NRAS: variants seen among roughly 807,000 people sequenced by gnomAD.
The protein encoded by NRAS is NRAS proto-oncogene, GTPase.
Under a neutral mutation model 21.3 loss-of-function variants are expected in NRAS, and 6 were observed. The observed-to-expected ratio is 0.28, with a 90% CI of 0.15 to 0.56. The LOEUF is 0.56. NRAS is among the 20% of genes least tolerant of loss of function. NRAS has a pLI of 0.93. For synonymous variants in NRAS, 84 were observed against 82.0 expected (o/e 1.02, Z -0.13); for missense variants, 143 against 231.3 (o/e 0.62, Z 2.48).
chr1:114,711,212 G>C (rs1276649702), intron 3 of NRAS, among the ~76,000 whole-genome samples: 1 of 152,056 alleles, frequency 6.6e-6, no homozygotes, highest in Non-Finnish European at 1.5e-5. Flanking sequence ...AAGCTGAGGT[G>C]GGAGGATCCC....
In NRAS at chr1:114,704,943, T is replaced by G. The variant is rs1415057487; in HGVS notation, c.*3151A>C. 6.6e-6 allele frequency: 1 copy of G among 152,194 alleles called. No individual in the cohort carries two copies. The highest frequency in any genetic ancestry group is 1.5e-5 in the Non-Finnish European group (1 of 68,034). 9.4% of individuals were successfully genotyped at this position (152,194 alleles called of 1,614,324 possible). A position where few individuals can be genotyped will look rare whatever the true frequency, so the allele number is the denominator to read the frequency against. ...AATGTACAAGAATTATAGTCCCTTG[T>G]TTATAGAAACCATCCAAATAAAATA... On this transcript the variant is annotated 3_prime_UTR_variant, in exon 7 of 7. Coordinates refer to ENST00000369535, the MANE Select transcript of NRAS (RefSeq NM_002524.5).
chr1:114,714,679 T>G (rs1659116196), intron 2 of NRAS, among the ~76,000 whole-genome samples: 1 of 152,218 alleles, frequency 6.6e-6, no homozygotes, highest in African/African-American at 2.4e-5. Context: ...AAGTGCTCTA[T>G]ACTGTTATCT....
Position 114,708,524 on chromosome 1 carries a change from T to C in NRAS, c.*4+7A>G, listed in dbSNP as rs775149123. On this transcript the variant is annotated splice_region_variant and intron_variant, in intron 5 of 6. Coordinates refer to ENST00000369535, the MANE Select transcript of NRAS (RefSeq NM_002524.5). The stretch of plus-strand genomic sequence containing the variant: ...TTTGTAATTATGCCAAGAAACCATA[T>C]GCTCACCTTGTTACATCACCACACA... The C allele has an allele frequency of 1.9e-6, 3 of 1,613,492 alleles. No homozygotes were observed. Among genetic ancestry groups the C allele is most frequent in the Admixed American group, 3.3e-5 (2 of 60,024 alleles).
At chr1:114,710,352 T>C (rs1659019778) in intron 3 of NRAS, among the ~76,000 whole-genome samples, 1 of 144,516 alleles carries the variant, frequency 6.9e-6, no homozygotes, top group South Asian at 2.1e-4. Context: ...AAAAAATATA[T>C]ATACAATATA....
chr1:114,713,412 C>A lies in NRAS; in HGVS notation c.290+388G>T, dbSNP rs9724627. Among the ~76,000 whole-genome samples the A allele has an allele frequency of 5.9e-3, 891 of 152,246 alleles. 17 individuals carry two copies. The highest frequency in any genetic ancestry group is 0.021 in the African/African-American group (852 of 41,542). The stretch of plus-strand genomic sequence containing the variant: ...TCCTGGGCTGAAAGTGATCCTCCCG[C>A]CTTGGCCTCCCAAAGCACTGACATT... On this transcript the variant is annotated intron_variant, in intron 3 of 6. Transcript: ENST00000369535.
intron 3 of NRAS, 43 bp from the exon 4 acceptor site, chr1:114,709,771 T>C: frequency 6.5e-7 from 1 of 1,542,732 alleles, no homozygotes; most frequent in Admixed American, 1.7e-5. Flanking sequence ...AAAAACAAGA[T>C]TAGGCTGGGT....
intron 3 of NRAS, among the ~76,000 whole-genome samples, chr1:114,710,433 C>T (rs1433774415): frequency 6.7e-6 from 1 of 148,438 alleles, no homozygotes; most frequent in Non-Finnish European, 1.5e-5. Context: ...GGAGGATCAC[C>T]TGGGTCCAGA....
chr1:114,708,288 C>T (rs1056895470), intron 5 of NRAS, 96 bp from the exon 6 acceptor site: 2 of 535,542 alleles, frequency 3.7e-6, no homozygotes, highest in Non-Finnish European at 6.7e-6. Flanking sequence ...GGTATGCCTA[C>T]ATTTCATAAA....
intron 3 of NRAS, among the ~76,000 whole-genome samples, chr1:114,710,478 C>A (rs2101739821): frequency 6.7e-6 from 1 of 149,370 alleles, no homozygotes; most frequent in South Asian, 2.1e-4. Flanking sequence ...AATTGTTCCA[C>A]TGCACTCCAG....
In NRAS at chr1:114,713,818, G is replaced by T. The variant is rs774832953; in HGVS notation, c.272C>A (p.Ala91Glu). ...VFAINNSKSF[A>E]DINLYREQIK... ...CTAGTACCTGTAGAGGTTAATATCCGCAAATGACTTGCTATTATTGATGGC... is the reference window on the plus strand; with the variant it reads ...CTAGTACCTGTAGAGGTTAATATCCTCAAATGACTTGCTATTATTGATGGC... The change falls in exon 3 of 7, where the codon GCG becomes GAG. Residue 91 changes from alanine to glutamate, a missense_variant. Coordinates refer to ENST00000369535, the MANE Select transcript of NRAS (RefSeq NM_002524.5). 6.2e-7 allele frequency: 1 copy of T among 1,613,758 alleles called. No individual in the cohort carries two copies. Among genetic ancestry groups the T allele is most frequent in the Non-Finnish European group, 8.5e-7 (1 of 1,179,692 alleles).
Position 114,713,988 on chromosome 1 carries a change from TGGAGGGTAAGGGGGCAG to T in NRAS, c.112-27_112-11del. 8.4e-7 allele frequency: 1 copy of T among 1,184,804 alleles called. No individual in the cohort carries two copies. Among genetic ancestry groups the T allele is most frequent in the Non-Finnish European group, 1.2e-6 (1 of 847,962 alleles). 73.4% of individuals were successfully genotyped at this position (1,184,804 alleles called of 1,614,324 possible). A position where few individuals can be genotyped will look rare whatever the true frequency, so the allele number is the denominator to read the frequency against. On this transcript the variant is annotated splice_polypyrimidine_tract_variant and intron_variant, in intron 2 of 6. Transcript: ENST00000369535. ...GTTTTCTGTAAGAATCCTGGGGGTG[TGGAGGGTAAGGGGGCAG>T]GGAGGGAGGGAAGTTCAATTTTTAT...
At chr1:114,714,011 G>A (rs1266880847) in intron 2 of NRAS, 33 bp from the exon 3 acceptor site, 16 of 727,012 alleles carry the variant, frequency 2.2e-5, no homozygotes, top group South Asian at 8.9e-5. Flanking sequence ...GGCAGGGAGG[G>A]AGGGAAGTTC....
intron 4 of NRAS, 111 bp downstream of exon 4, chr1:114,709,456 AAT>A (rs1658991721): frequency 7.5e-6 from 7 of 932,554 alleles, no homozygotes; most frequent in Non-Finnish European, 1.2e-5. Flanking sequence ...AAAATAAAAA[AAT>A]AAAAATGAAA....
chr1:114,709,598 A>G lies in NRAS; in HGVS notation c.421T>C (p.Phe141Leu). 6.2e-7 allele frequency: 1 copy of G among 1,614,132 alleles called. No homozygotes were observed. Among genetic ancestry groups the G allele is most frequent in the Non-Finnish European group, 8.5e-7 (1 of 1,179,970 alleles). Residue 141 changes from phenylalanine to leucine, a missense_variant, in exon 4 of 7, where the codon TTC becomes CTC. Phe to Leu is a conservative substitution (Grantham distance 22). Coordinates refer to ENST00000369535, the MANE Select transcript of NRAS (RefSeq NM_002524.5). ...CTGGTCTTGGCTGAGGTTTCAATGAATGGAATCCCGTAACTCTTGGCCAGT... is the reference window on the plus strand; with the variant it reads ...CTGGTCTTGGCTGAGGTTTCAATGAGTGGAATCCCGTAACTCTTGGCCAGT... ...HELAKSYGIPFIETSAKTRQG... is the reference protein window; with the variant it reads ...HELAKSYGIPLIETSAKTRQG...
chr1:114,711,314 C>G (rs1046800905), intron 3 of NRAS, among the ~76,000 whole-genome samples: 2 of 151,850 alleles, frequency 1.3e-5, no homozygotes, highest in African/African-American at 4.8e-5. Flanking sequence ...AAAACTAAAA[C>G]AGGCCGGGCA....
chr1:114,705,181 T>C lies in NRAS; in HGVS notation c.*2913A>G, dbSNP rs562519622. ...TTTCTCTATCCTTGCTTTCAAGTCA[T>C]GACAAAAAAATTCACAGCAGTTTAA... On this transcript the variant is annotated 3_prime_UTR_variant, in exon 7 of 7. Coordinates refer to ENST00000369535, the MANE Select transcript of NRAS (RefSeq NM_002524.5). The C allele has an allele frequency of 2.0e-5, 3 of 152,260 alleles. No individual in the cohort carries two copies. The highest frequency in any genetic ancestry group is 3.9e-4 in the East Asian group (2 of 5,180). 9.4% of individuals were successfully genotyped at this position (152,260 alleles called of 1,614,324 possible). A position where few individuals can be genotyped will look rare whatever the true frequency, so the allele number is the denominator to read the frequency against.
intron 2 of NRAS, among the ~76,000 whole-genome samples, chr1:114,715,268 G>A (rs61758214): frequency 6.4e-4 from 98 of 152,070 alleles, no homozygotes; most frequent in African/African-American, 2.1e-3. Flanking sequence ...CTTGTGATCC[G>A]CCTGCCTCAG....
At chr1:114,709,876 C>A in intron 3 of NRAS, 148 bp from the exon 4 acceptor site, 2 of 687,974 alleles carry the variant, frequency 2.9e-6, no homozygotes, top group Non-Finnish European at 5.2e-6. Flanking sequence ...GGCAACATGG[C>A]AAAACCCGGT....
At chr1:114,716,205 T>C (rs775409542) in intron 1 of NRAS, 28 bp from the exon 2 acceptor site, 20 of 1,284,306 alleles carry the variant, frequency 1.6e-5, no homozygotes, top group South Asian at 5.9e-5. Flanking sequence ...TCAGGGTTAA[T>C]TGGCGAGCCA....
Sources: gnomAD v4.1 joint callset for allele counts (sites outside exome capture counted in the v4.1 genomes callset) on GRCh38, gnomAD v4.1.1 for gene constraint, MANE v1.5 for transcripts, NCBI Gene and HGNC (gene_info 2026-07-23, HGNC 2026-07-21) for gene names.